PSD3: variants seen among roughly 807,000 people sequenced by gnomAD.
PSD3 encodes PH and SEC7 domain-containing protein 3.
Under a neutral mutation model 105.5 loss-of-function variants are expected in PSD3, and 49 were observed. The observed-to-expected ratio is 0.46, with a 90% CI of 0.37 to 0.59. The LOEUF is 0.59. Among genes scored for constraint, PSD3 ranks in the 20% least tolerant of loss-of-function variants. The pLI, the probability that PSD3 is intolerant of heterozygous loss-of-function variation, is 0.00. For synonymous variants in PSD3, 557 were observed against 457.8 expected, an observed-to-expected ratio of 1.22 and a Z score of -2.77; for missense variants, 1,561 against 1,263.8, an observed-to-expected ratio of 1.24 and a Z score of -3.57.
intron 1 of PSD3, among the ~76,000 whole-genome samples, chr8:18,943,119 G>T (rs1822655437): frequency 6.6e-6 from 1 of 152,158 alleles, no homozygotes; most frequent in South Asian, 2.1e-4. Flanking sequence ...GAAGCTGCCT[G>T]GGTATAGAGA....
intron 1 of PSD3, among the ~76,000 whole-genome samples, chr8:19,008,589 A>C (rs1232058077): frequency 6.6e-6 from 1 of 152,222 alleles, no homozygotes; most frequent in African/African-American, 2.4e-5. Context: ...TCAAAAAAGC[A>C]TGTAAGTTTC....
At chr8:18,583,390 C>A (rs1427456578) in intron 12 of PSD3, among the ~76,000 whole-genome samples, 1 of 152,104 alleles carries the variant, frequency 6.6e-6, no homozygotes, top group Non-Finnish European at 1.5e-5. Context: ...GAGACACCGC[C>A]ATTGCACTCC....
intron 9 of PSD3, among the ~76,000 whole-genome samples, chr8:18,682,836 A>C (rs1189537571): frequency 6.6e-6 from 1 of 152,080 alleles, no homozygotes; most frequent in East Asian, 1.9e-4. Context: ...AGAAAGCCTG[A>C]TGTCACTCTC....
intron 1 of PSD3, among the ~76,000 whole-genome samples, chr8:19,074,633 TTTTTTGAGA>T (rs1829399690): frequency 9.1e-6 from 1 of 109,540 alleles, no homozygotes; most frequent in African/African-American, 3.2e-5. Flanking sequence ...TTTTTTTTTT[TTTTTTGAGA>T]TGGAGTCTCG....
At chr8:18,700,227 T>C (rs1386817002) in intron 9 of PSD3, among the ~76,000 whole-genome samples, 3 of 152,192 alleles carry the variant, frequency 2.0e-5, no homozygotes, top group Non-Finnish European at 2.9e-5. Flanking sequence ...ACTTTCCCTG[T>C]TTCCCTTTAA....
intron 2 of PSD3, among the ~76,000 whole-genome samples, chr8:18,884,330 T>C (rs544154614): frequency 1.3e-5 from 2 of 152,162 alleles, no homozygotes; most frequent in African/African-American, 2.4e-5. Flanking sequence ...ATGACTCAAA[T>C]TTGCAATGCA....
chr8:18,786,695 C>A (rs1207504357), intron 8 of PSD3: 2 of 152,160 alleles, frequency 1.3e-5, no homozygotes, highest in Non-Finnish European at 2.9e-5. Context: ...ATAGACTGTA[C>A]CTTAATTTTC....
At chr8:18,760,873 C>T (rs1247502527) in intron 9 of PSD3, among the ~76,000 whole-genome samples, 1 of 152,160 alleles carries the variant, frequency 6.6e-6, no homozygotes, top group African/African-American at 2.4e-5. Flanking sequence ...ATCCTTCAGA[C>T]CAACGCCTCT....
In PSD3 at chr8:18,528,238, C is replaced by T. The variant is rs986200580; in HGVS notation, c.*7505G>A. On this transcript the variant is annotated 3_prime_UTR_variant, in exon 16 of 16. Transcript: ENST00000327040. ...CTCTGATCTGGACTGAACAAAGCTG[C>T]TAAGCTAGCACTTGAGTATTCCTCG... 2.6e-5 allele frequency: 4 copies of T among 152,198 alleles called. No homozygotes were observed. Among genetic ancestry groups the T allele is most frequent in the African/African-American group, 9.7e-5 (4 of 41,448 alleles). 9.4% of individuals were successfully genotyped at this position (152,198 alleles called of 1,614,324 possible). A position where few individuals can be genotyped will look rare whatever the true frequency, so the allele number is the denominator to read the frequency against.
chr8:18,541,382 A>C (rs1204380203), intron 15 of PSD3, among the ~76,000 whole-genome samples: 4 of 152,172 alleles, frequency 2.6e-5, no homozygotes, highest in African/African-American at 4.8e-5. Flanking sequence ...GCAAATCCAG[A>C]AAAAGAAAAA....
chr8:18,657,367 A>G (rs995146002), intron 9 of PSD3, among the ~76,000 whole-genome samples: 3 of 152,252 alleles, frequency 2.0e-5, no homozygotes, highest in Non-Finnish European at 4.4e-5. Flanking sequence ...CTTAGCCAGT[A>G]TCTTGACAAA....
At chr8:18,828,067 A>ATATATATTTTT (rs371473289) in intron 4 of PSD3, among the ~76,000 whole-genome samples, 9 of 118,896 alleles carry the variant, frequency 7.6e-5, no homozygotes, top group African/African-American at 3.2e-4. Flanking sequence ...ATATATATAT[A>ATATATATTTTT]TTTTTTTTTT....
In PSD3 at chr8:18,529,864, A is replaced by G. The variant is rs13275817; in HGVS notation, c.*5879T>C. On this transcript the variant is annotated 3_prime_UTR_variant, in exon 16 of 16. Transcript: ENST00000327040. ...ATCACAATAATTCTTAGAAGGAAAT[A>G]CTCTCGCAAAACTAAGACCCTGCCA... 96,582 of 152,388 alleles carry G rather than the reference A, an allele frequency of 0.63. 32,942 individuals carry two copies. The highest frequency in any genetic ancestry group is 0.79 in the East Asian group (4,073 of 5,166). 9.4% of individuals were successfully genotyped at this position (152,388 alleles called of 1,614,324 possible).
intron 1 of PSD3, among the ~76,000 whole-genome samples, chr8:19,051,957 A>C (rs1828543323): frequency 1.3e-5 from 2 of 152,236 alleles, no homozygotes. Flanking sequence ...ATACTACAAG[A>C]AAAAGAGAGG....
chr8:18,863,616 A>G lies in PSD3; in HGVS notation c.1634+4058T>C, dbSNP rs189335937. ...AGTATTGCCATTGAAAGTAATGACA[A>G]AAAACTTAATTATGTTTGTGACAAT... On this transcript the variant is annotated intron_variant, in intron 4 of 15. Transcript: ENST00000327040. 5.3e-5 allele frequency among the ~76,000 whole-genome samples: 8 copies of G among 152,298 alleles called. No individual in the cohort carries two copies. The East Asian group carries it at 1.2e-3, about 22-fold the overall frequency.
chr8:18,969,273 C>T (rs899582676), intron 1 of PSD3, among the ~76,000 whole-genome samples: 7 of 152,170 alleles, frequency 4.6e-5, no homozygotes, highest in African/African-American at 1.4e-4. Context: ...CACAAATATT[C>T]GTTGACAAAG....
At chr8:19,027,096 T>A (rs1379539951) in intron 1 of PSD3, among the ~76,000 whole-genome samples, 1 of 152,168 alleles carries the variant, frequency 6.6e-6, no homozygotes, top group Non-Finnish European at 1.5e-5. Flanking sequence ...ACACGCATTA[T>A]GAACCCTTAC....
chr8:18,835,867 T>C (rs1814065319), intron 4 of PSD3, among the ~76,000 whole-genome samples: 1 of 152,164 alleles, frequency 6.6e-6, no homozygotes, highest in Non-Finnish European at 1.5e-5. Flanking sequence ...CAGAGCGGTG[T>C]ATGCGGTGTA....
At chr8:18,750,574 G>T (rs1333330972) in intron 9 of PSD3, among the ~76,000 whole-genome samples, 1 of 152,064 alleles carries the variant, frequency 6.6e-6, no homozygotes, top group Non-Finnish European at 1.5e-5. Flanking sequence ...CAGTGTGGAA[G>T]GGGACCCGAG....
Sources: allele counts gnomAD v4.1 joint callset (sites outside exome capture counted in the v4.1 genomes callset), GRCh38; gene constraint gnomAD v4.1.1; transcripts MANE v1.5; gene names NCBI Gene and HGNC (gene_info 2026-07-23, HGNC 2026-07-21).